The following SENP6 variants were observed in gnomAD, a reference collection of about 807,000 sequenced individuals.
SENP6 encodes the protein sentrin-specific protease 6.
Under a neutral mutation model 134.5 loss-of-function variants are expected in SENP6, and 41 were observed. The observed-to-expected ratio is 0.30, with a 90% confidence interval of 0.24 to 0.40. The LOEUF (loss-of-function observed/expected upper bound fraction) is 0.40, where lower values mean the gene tolerates loss of function less well. SENP6 is among the 10% of genes least tolerant of loss of function. The probability of loss-of-function intolerance (pLI) is 1.00; values close to 1 mark genes in which losing one functional copy is unlikely to be tolerated. For synonymous variants in SENP6, 395 were observed against 429.8 expected (o/e 0.92, Z 1.00); for missense variants, 1,248 against 1,312.5 (o/e 0.95, Z 0.76).
intron 16 of SENP6, among the ~76,000 whole-genome samples, chr6:75,691,006 ATT>A (rs35909209): frequency 2.1e-4 from 28 of 136,272 alleles, no homozygotes; most frequent in East Asian, 4.2e-4. Context: ...GCTCAGCCTA[ATT>A]TTTTTTTTTT....
At chr6:75,610,592 A>G (rs970590592) in intron 1 of SENP6, among the ~76,000 whole-genome samples, 1 of 152,154 alleles carries the variant, frequency 6.6e-6, no homozygotes, top group African/African-American at 2.4e-5. Flanking sequence ...AATCTTCTGC[A>G]TCCATTGGCA....
intron 10 of SENP6, among the ~76,000 whole-genome samples, chr6:75,669,911 G>C (rs566769594): frequency 6.7e-6 from 1 of 150,182 alleles, no homozygotes; most frequent in Admixed American, 6.8e-5. Flanking sequence ...CAAAACTTAC[G>C]TAAGTTATTA....
At chr6:75,638,614 ATATATATATTTTTTTTTTTTTT>A (rs1769763524) in intron 5 of SENP6, among the ~76,000 whole-genome samples, 1 of 35,860 alleles carries the variant, frequency 2.8e-5, no homozygotes, top group African/African-American at 1.1e-4. Flanking sequence ...ATATATATAT[ATATATATATTTTTTTTTTTTTT>A]TTTTTTTTTT....
chr6:75,659,300 G>A lies in SENP6; in HGVS notation c.589G>A (p.Val197Met), dbSNP rs1771594794. The change falls in exon 8 of 24, where the codon GTG (valine) becomes ATG (methionine). Residue 197 changes from valine to methionine, a missense_variant. By Grantham distance (21) the Val-to-Met change is conservative. Transcript: ENST00000447266. ...MKKTEESESQVEPEIKRKVQQ... is the reference protein window; with the variant it reads ...MKKTEESESQMEPEIKRKVQQ... Reference sequence around the variant, plus strand: ...GAAAACAGAAGAGTCCGAATCACAAGTGGAGCCTGAAATTAAGAGGAAAGT... The same window carrying A: ...GAAAACAGAAGAGTCCGAATCACAAATGGAGCCTGAAATTAAGAGGAAAGT... The A allele has an allele frequency of 1.9e-6, 3 of 1,612,772 alleles. No individual in the cohort carries two copies. Among genetic ancestry groups the A allele is most frequent in the Middle Eastern group, 1.7e-4 (1 of 6,058 alleles).
At position 75,690,005 on chromosome 6, in the gene SENP6, G is replaced by A. The variant is rs78949301; in HGVS notation, c.2076-5799G>A. On this transcript the variant is annotated intron_variant, in intron 16 of 23. Coordinates refer to ENST00000447266, the MANE Select transcript of SENP6 (RefSeq NM_015571.4). Reference sequence around the variant, plus strand: ...CAGTCACAGCTCACGATAGCCTCCTGGGCTCAAGTGATCGTCCTGCCTCAG... The same window carrying A: ...CAGTCACAGCTCACGATAGCCTCCTAGGCTCAAGTGATCGTCCTGCCTCAG... 3.3e-5 allele frequency among the ~76,000 whole-genome samples: 5 copies of A among 152,272 alleles called. No individual in the cohort carries two copies. In the East Asian group the frequency reaches 9.7e-4, roughly 29 times the overall value.
In SENP6 at chr6:75,718,088, A is replaced by G. The variant is rs1237400005; in HGVS notation, c.*2494A>G. 4 of 143,206 alleles carry G rather than the reference A, an allele frequency of 2.8e-5. No homozygotes were observed. Among genetic ancestry groups the G allele is most frequent in the African/African-American group, 4.9e-5 (2 of 41,058 alleles). The allele number at this position is 143,206 out of a possible 1,614,324, so 8.9% of individuals were successfully genotyped here. ...AGGAGGTTTTATTTGAAAACATAAAATGATTCTCTAAATTACATCTTGTTT... is the reference window on the plus strand; with the variant it reads ...AGGAGGTTTTATTTGAAAACATAAAGTGATTCTCTAAATTACATCTTGTTT... On this transcript the variant is annotated 3_prime_UTR_variant, in exon 24 of 24. Transcript: ENST00000447266.
chr6:75,631,612 T>A (rs1047158367), intron 3 of SENP6, among the ~76,000 whole-genome samples: 1 of 152,208 alleles, frequency 6.6e-6, no homozygotes, highest in African/African-American at 2.4e-5. Context: ...AACTCAAATC[T>A]GTGTCCATAA....
intron 6 of SENP6, among the ~76,000 whole-genome samples, chr6:75,645,261 A>T (rs747637636): frequency 1.1e-4 from 16 of 152,196 alleles, no homozygotes; most frequent in Non-Finnish European, 2.2e-4. Context: ...TTGATTTTCA[A>T]TGAGTTTGGA....
chr6:75,633,724 G>A lies in SENP6; in HGVS notation c.351G>A (p.Leu117=). The part of the protein sequence containing the change: ...GLNMLSNNKK[L]SENTQNTSLC... Reference sequence around the variant, plus strand: ...ACATGTTGAGCAACAATAAGAAATTGAGGTATAGGCACTTCACCACACATT... The same window carrying A: ...ACATGTTGAGCAACAATAAGAAATTAAGGTATAGGCACTTCACCACACATT... Residue 117 remains leucine (L), a splice_region_variant and synonymous_variant, in exon 4 of 24, where the codon TTG becomes TTA. Transcript: ENST00000447266. 1 of 1,603,334 alleles carries A rather than the reference G, an allele frequency of 6.2e-7. No individual in the cohort carries two copies. The highest frequency in any genetic ancestry group is 8.5e-7 in the Non-Finnish European group (1 of 1,176,640).
chr6:75,654,058 TATAAA>T (rs1486210953), intron 7 of SENP6, among the ~76,000 whole-genome samples: 1 of 152,048 alleles, frequency 6.6e-6, no homozygotes, highest in Non-Finnish European at 1.5e-5. Context: ...ACCCTGTCTC[TATAAA>T]ATAAAAAAAA....
At chr6:75,666,156 TA>T (rs1772207814) in intron 9 of SENP6, among the ~76,000 whole-genome samples, 13 of 143,262 alleles carry the variant, frequency 9.1e-5, no homozygotes, top group Admixed American at 7.5e-4. Flanking sequence ...ATAAAACATA[TA>T]TGATATATAT....
At chr6:75,657,525 A>T (rs1300631311) in intron 7 of SENP6, among the ~76,000 whole-genome samples, 5 of 152,228 alleles carry the variant, frequency 3.3e-5, no homozygotes, top group African/African-American at 1.2e-4. Context: ...CAGAGATGAC[A>T]TAGTGACAAT....
intron 9 of SENP6, among the ~76,000 whole-genome samples, chr6:75,665,790 G>C (rs1404043394): frequency 6.6e-6 from 1 of 152,074 alleles, no homozygotes; most frequent in Non-Finnish European, 1.5e-5. Context: ...ATTTTGGGAG[G>C]CTGAGGCAGG....
intron 5 of SENP6, 124 bp downstream of exon 5, chr6:75,634,935 A>C: frequency 1.4e-6 from 1 of 697,534 alleles, no homozygotes; most frequent in Non-Finnish European, 2.6e-6. Context: ...AGAGAGATAT[A>C]TCTCTGAAAT....
At chr6:75,707,263 A>AT (rs749680059) in intron 19 of SENP6, among the ~76,000 whole-genome samples, 21 of 152,100 alleles carry the variant, frequency 1.4e-4, no homozygotes, top group Non-Finnish European at 3.1e-4. Flanking sequence ...TGTTATTCAA[A>AT]TATAGGTGTT....
At chr6:75,624,346 C>G (rs1334598698) in intron 3 of SENP6, among the ~76,000 whole-genome samples, 1 of 152,044 alleles carries the variant, frequency 6.6e-6, no homozygotes, top group Non-Finnish European at 1.5e-5. Context: ...ACAGAGTTGT[C>G]AACTTTTTAA....
intron 6 of SENP6, among the ~76,000 whole-genome samples, chr6:75,641,255 G>C (rs201202035): frequency 6.6e-6 from 1 of 152,158 alleles, no homozygotes; most frequent in South Asian, 2.1e-4. Flanking sequence ...TTCTATAATG[G>C]TTATATATAT....
chr6:75,682,103 CAAAT>C (rs796304069), intron 16 of SENP6, among the ~76,000 whole-genome samples: 49 of 151,876 alleles, frequency 3.2e-4, no homozygotes, highest in African/African-American at 1.0e-3. Flanking sequence ...CAGAGTCTGA[CAAAT>C]AAACTTCTGA....
intron 7 of SENP6, among the ~76,000 whole-genome samples, chr6:75,658,589 G>C (rs1771520672): frequency 1.3e-5 from 2 of 151,898 alleles, no homozygotes; most frequent in Admixed American, 6.6e-5. Context: ...AATTATATTT[G>C]TAATGAAAAT....
Sources: gnomAD v4.1 joint callset for allele counts (sites outside exome capture counted in the v4.1 genomes callset) on GRCh38, gnomAD v4.1.1 for gene constraint, MANE v1.5 for transcripts, NCBI Gene and HGNC (gene_info 2026-07-23, HGNC 2026-07-21) for gene names.